Variants in IFT122 observed in about 807,000 individuals in gnomAD.
The protein encoded by IFT122 is intraflagellar transport protein 122 homolog.
IFT122 carries 118 observed loss-of-function variants against 161.6 expected under a neutral mutation model. That is an observed-to-expected ratio of 0.73 (90% CI 0.63 to 0.85). The LOEUF is 0.85. Among genes scored for constraint, IFT122 ranks in the 40% least tolerant of loss-of-function variants. The pLI is 0.00. For missense variants in IFT122, 1,381 were observed against 1,579.6 expected (o/e 0.87, Z 2.13); for synonymous variants, 550 against 602.4 (o/e 0.91, Z 1.27).
chr3:129,488,150 G>A (rs2079544983), intron 15 of IFT122, 107 bp from the exon 16 acceptor site: 1 of 1,587,408 alleles, frequency 6.3e-7, no homozygotes, highest in Non-Finnish European at 8.6e-7. Flanking sequence ...CTGCTCCCCA[G>A]GCATGGGTAA....
intron 3 of IFT122, chr3:129,456,139 T>C (rs1458921654): frequency 9.0e-6 from 6 of 669,816 alleles, no homozygotes; most frequent in Non-Finnish European, 1.4e-5. Context: ...CAGTAGCTTG[T>C]TTGGGTCATG....
intron 9 of IFT122, among the ~76,000 whole-genome samples, chr3:129,474,832 A>T (rs1409399448): frequency 2.0e-5 from 3 of 152,132 alleles, no homozygotes; most frequent in African/African-American, 7.2e-5. Flanking sequence ...ATATCTGATA[A>T]AGGACTTGTA....
In IFT122 at chr3:129,469,350, G is replaced by A. The variant is rs143145156; in HGVS notation, c.749G>A (p.Arg250His). The A allele has an allele frequency of 1.2e-6, 2 of 1,613,756 alleles. No individual in the cohort carries two copies. Among genetic ancestry groups the A allele is most frequent in the Non-Finnish European group, 8.5e-7 (1 of 1,179,736 alleles). Residue 250 changes from arginine (R) to histidine (H), a missense_variant, in exon 9 of 30, where the codon CGT (arginine) becomes CAT (histidine). Physicochemically the swap from Arg to His is conservative, Grantham distance 29 (BLOSUM62 0). Around this residue, in one of 7 missense-constraint regions of IFT122, gnomAD observed 544 missense variants for 648.0 expected, o/e 0.84. Coordinates refer to ENST00000348417, the MANE Select transcript of IFT122 (RefSeq NM_052989.3). ...TATCTTCTGTTGATTAGAGAGGAACGTAATGACATCCTGGCTGTGGCTGAC... is the reference window on the plus strand; with the variant it reads ...TATCTTCTGTTGATTAGAGAGGAACATAATGACATCCTGGCTGTGGCTGAC... Reference protein sequence around the residue: ...DSPRDDNLEERNDILAVADWG... With the variant: ...DSPRDDNLEEHNDILAVADWG...
At chr3:129,496,354 C>G (rs1008333798) in intron 18 of IFT122, among the ~76,000 whole-genome samples, 8 of 152,142 alleles carry the variant, frequency 5.3e-5, no homozygotes, top group Admixed American at 5.2e-4. Context: ...TCAGTCTAAG[C>G]AAGGTTCAAA....
At chr3:129,495,630 C>T (rs757341742) in intron 18 of IFT122, 23 bp downstream of exon 18, 11 of 1,613,968 alleles carry the variant, frequency 6.8e-6, no homozygotes, top group Non-Finnish European at 8.5e-6. Context: ...GTCCCAGGCC[C>T]AAGCTCCAGC....
In IFT122 at chr3:129,520,173, T is replaced by C; in HGVS notation, c.3637-3T>C. ...GCCTGGTCTTACAGCTGTCTTCCCT[T>C]AGATGTTCCATTCTGAGGACTATGA... On this transcript the variant is annotated splice_polypyrimidine_tract_variant and splice_region_variant and intron_variant, in intron 29 of 29. Coordinates refer to ENST00000348417, the MANE Select transcript of IFT122 (RefSeq NM_052989.3). The C allele has an allele frequency of 6.2e-7, 1 of 1,610,178 alleles. No individual in the cohort carries two copies. Among genetic ancestry groups the C allele is most frequent in the East Asian group, 2.2e-5 (1 of 44,880 alleles).
intron 26 of IFT122, among the ~76,000 whole-genome samples, 199 bp from the exon 27 acceptor site, chr3:129,517,270 A>ACGCG (rs1476276379): frequency 9.1e-6 from 1 of 109,712 alleles, no homozygotes. Flanking sequence ...TTGCTCCTGC[A>ACGCG]CACACACACA....
intron 17 of IFT122, among the ~76,000 whole-genome samples, chr3:129,494,460 T>G (rs1218732368): frequency 6.6e-6 from 1 of 152,188 alleles, no homozygotes; most frequent in Non-Finnish European, 1.5e-5. Context: ...TTTCTGTCAG[T>G]ATGGAAGCAT....
rs2078015381 is a variant in IFT122, at chr3:129,476,935, G to GTCTTGTTT, written c.1147+139_1147+146dup. ...CAAACCTGTTAGCCACTGGGTCTGTGTCTTGTTTTCTTTTTTTTTTTTTTT... is the reference window on the plus strand; with the variant it reads ...CAAACCTGTTAGCCACTGGGTCTGTGTCTTGTTTTCTTGTTTTCTTTTTTTTTTTTTTT... On this transcript the variant is annotated intron_variant, in intron 11 of 29. Transcript: ENST00000348417. The GTCTTGTTT allele has an allele frequency of 6.8e-6, 6 of 883,186 alleles. No individual in the cohort carries two copies. In the South Asian group the frequency reaches 9.7e-5, roughly 14 times the overall value. The allele number at this position is 883,186 out of a possible 1,614,324, so 54.7% of individuals were successfully genotyped here.
intron 19 of IFT122, among the ~76,000 whole-genome samples, chr3:129,502,267 T>C (rs951348669): frequency 6.6e-6 from 1 of 152,228 alleles, no homozygotes; most frequent in African/African-American, 2.4e-5. Context: ...CCTGCACCCG[T>C]GGTGGAAAGA....
At chr3:129,451,879 T>A (rs777842411) in intron 2 of IFT122, 35 bp from the exon 3 acceptor site, 2 of 1,533,564 alleles carry the variant, frequency 1.3e-6, no homozygotes, top group Non-Finnish European at 1.8e-6. Flanking sequence ...CTAATAGATA[T>A]CACATAGATA....
intron 1 of IFT122, among the ~76,000 whole-genome samples, chr3:129,443,658 G>A (rs58459843): frequency 0.091 from 13,815 of 152,188 alleles, 699 homozygotes; most frequent in South Asian, 0.13. Context: ...TTCAAATTGT[G>A]TATGACTATA....
At chr3:129,455,616 A>G (rs1341458651) in intron 3 of IFT122, among the ~76,000 whole-genome samples, 1 of 152,170 alleles carries the variant, frequency 6.6e-6, no homozygotes, top group Non-Finnish European at 1.5e-5. Flanking sequence ...GTTCTAAGCA[A>G]CATAAGGGTT....
chr3:129,444,607 C>T (rs1417406755), intron 1 of IFT122, among the ~76,000 whole-genome samples: 4 of 151,976 alleles, frequency 2.6e-5, no homozygotes, highest in African/African-American at 7.3e-5. Context: ...CTGCAAGCTC[C>T]GCCTCCCAGG....
chr3:129,507,363 T>C (rs1302933725), intron 22 of IFT122, among the ~76,000 whole-genome samples: 4 of 152,238 alleles, frequency 2.6e-5, no homozygotes, highest in Non-Finnish European at 4.4e-5. Context: ...TGGGTCTTGC[T>C]GCAGCTGTCG....
intron 3 of IFT122, among the ~76,000 whole-genome samples, chr3:129,454,231 A>G (rs919776789): frequency 6.6e-5 from 10 of 152,112 alleles, no homozygotes; most frequent in African/African-American, 2.2e-4. Flanking sequence ...GACATAAACA[A>G]TTGGCCAGGC....
At chr3:129,517,276 A>AGTG (rs2084060243) in intron 26 of IFT122, among the ~76,000 whole-genome samples, 193 bp from the exon 27 acceptor site, 1 of 133,608 alleles carries the variant, frequency 7.5e-6, no homozygotes, top group African/African-American at 3.0e-5. Context: ...CTGCACACAC[A>AGTG]CACACACACA....
chr3:129,475,622 A>G (rs2077835332), intron 9 of IFT122, among the ~76,000 whole-genome samples: 1 of 152,206 alleles, frequency 6.6e-6, no homozygotes, highest in South Asian at 2.1e-4. Context: ...ACTGCACTCC[A>G]GCCTGGGCAA....
At chr3:129,460,267 CTGAGTT>C (rs1265158589) in intron 4 of IFT122, among the ~76,000 whole-genome samples, 6 of 152,162 alleles carry the variant, frequency 3.9e-5, no homozygotes, top group African/African-American at 1.4e-4. Flanking sequence ...TTCTGTCTCT[CTGAGTT>C]TGACTGCTTT....
Sources: allele counts gnomAD v4.1 joint callset (sites outside exome capture counted in the v4.1 genomes callset), GRCh38; gene constraint gnomAD v4.1.1; regional missense constraint gnomAD v4.1.1; transcripts MANE v1.5; gene names NCBI Gene and HGNC (gene_info 2026-07-23, HGNC 2026-07-21).